Variants in PTPRA observed in about 807,000 individuals in gnomAD.
PTPRA encodes the protein receptor-type tyrosine-protein phosphatase alpha.
In PTPRA, 25 loss-of-function variants were observed where a neutral mutation model predicts 104.8. That is an observed-to-expected ratio of 0.24 (90% CI 0.17 to 0.33). The LOEUF (loss-of-function observed/expected upper bound fraction) is 0.33, where lower values mean the gene tolerates loss of function less well. Among genes scored for constraint, PTPRA ranks in the 10% least tolerant of loss-of-function variants. PTPRA has a pLI of 1.00. For synonymous variants in PTPRA, 323 were observed against 368.9 expected (o/e 0.88, Z 1.43); for missense variants, 765 against 1,015.3 (o/e 0.75, Z 3.35).
intron 3 of PTPRA, among the ~76,000 whole-genome samples, chr20:2,954,951 T>C (rs1238121128): frequency 6.6e-6 from 1 of 152,264 alleles, no homozygotes; most frequent in African/African-American, 2.4e-5. Flanking sequence ...ATGAAAAGGC[T>C]GTCCATTGAA....
chr20:2,868,725 T>G (rs2089393135), upstream of PTPRA, among the ~76,000 whole-genome samples: 1 of 149,942 alleles, frequency 6.7e-6, no homozygotes, highest in South Asian at 2.1e-4. Flanking sequence ...TTCCCAGCTT[T>G]TCGAGTTCTC....
At chr20:2,933,465 T>TG (rs1398963695) in intron 2 of PTPRA, among the ~76,000 whole-genome samples, 7 of 151,236 alleles carry the variant, frequency 4.6e-5, no homozygotes, top group African/African-American at 1.7e-4. Flanking sequence ...GTTGGTTGGT[T>TG]GGGTTTTTTT....
At chr20:3,020,945 C>T (rs974227274) in intron 13 of PTPRA, among the ~76,000 whole-genome samples, 5 of 152,196 alleles carry the variant, frequency 3.3e-5, no homozygotes, top group African/African-American at 1.2e-4. Flanking sequence ...ACTGCTGGTT[C>T]GAGGGGTTCA....
At chr20:2,876,261 T>A (rs1568635330) in intron 1 of PTPRA, among the ~76,000 whole-genome samples, 1 of 151,930 alleles carries the variant, frequency 6.6e-6, no homozygotes, top group Non-Finnish European at 1.5e-5. Flanking sequence ...GAGAGAAAAA[T>A]TCAAAAGTTC....
Position 3,035,055 on chromosome 20 carries a change from A to G in PTPRA, c.1921-530A>G, listed in dbSNP as rs1245386061. ...AGGTGCAAGCAAAGACAGACAGTAGACCACCTCCTGCTCACTAGCAAGGAC... is the reference window on the plus strand; with the variant it reads ...AGGTGCAAGCAAAGACAGACAGTAGGCCACCTCCTGCTCACTAGCAAGGAC... On this transcript the variant is annotated intron_variant, in intron 20 of 23. Transcript: ENST00000399903. This position sits in a 1 kb window ranked among gnomAD's most constrained non-coding sequence, Gnocchi z 5.8. Among the ~76,000 whole-genome samples the G allele has an allele frequency of 2.0e-5, 3 of 152,080 alleles. No individual in the cohort carries two copies. Among genetic ancestry groups the G allele is most frequent in the African/African-American group, 7.2e-5 (3 of 41,406 alleles).
At chr20:2,947,434 T>C (rs1171535325) in intron 2 of PTPRA, among the ~76,000 whole-genome samples, 2 of 152,194 alleles carry the variant, frequency 1.3e-5, no homozygotes, top group African/African-American at 4.8e-5. Context: ...AAGGTTTGCT[T>C]TTTCTAGAGA....
At chr20:2,865,493 C>T in the PTPRA span, 1 of 1,613,442 alleles carries the variant, frequency 6.2e-7, no homozygotes, top group Non-Finnish European at 8.5e-7. The surrounding 1 kb of genome is among the most constrained non-coding windows in gnomAD (Gnocchi z 5.2). Flanking sequence ...CATTGGCTAC[C>T]TGGTGAGGCA....
rs1002150027 is a variant in PTPRA at position 3,007,482 on chromosome 20, C to T, written c.906+62C>T. 31 of 1,489,196 alleles carry T rather than the reference C, an allele frequency of 2.1e-5. No individual in the cohort carries two copies. In the Admixed American group the frequency reaches 3.2e-4, roughly 15 times the overall value. The allele number at this position is 1,489,196 out of a possible 1,614,324, so 92.2% of individuals were successfully genotyped here. ...TGACCATTGCCACTATCTGTTGGCT[C>T]CTCCCCAGCTGTGTGTTAGGAGAAA... is the stretch of plus-strand genomic sequence containing the variant. On this transcript the variant is annotated intron_variant, in intron 11 of 23. Transcript: ENST00000399903.
intron 9 of PTPRA, among the ~76,000 whole-genome samples, chr20:3,002,733 A>C (rs1324655189): frequency 6.6e-6 from 1 of 152,138 alleles, no homozygotes; most frequent in Non-Finnish European, 1.5e-5. Context: ...CATTTTCCAT[A>C]CAATAACAAG....
intron 1 of PTPRA, among the ~76,000 whole-genome samples, chr20:2,911,844 A>G (rs917147135): frequency 2.0e-5 from 3 of 152,198 alleles, no homozygotes; most frequent in Non-Finnish European, 4.4e-5. Context: ...ATGGATATCA[A>G]TCAGTGGAAA....
In PTPRA at chr20:3,032,958, T is replaced by G. The variant is rs567766312; in HGVS notation, c.1921-2627T>G. 1.2e-3 allele frequency among the ~76,000 whole-genome samples: 183 copies of G among 151,328 alleles called. 3 individuals are homozygous for G. Among genetic ancestry groups the G allele is most frequent in the East Asian group, 5.8e-4 (3 of 5,156 alleles). On this transcript the variant is annotated intron_variant, in intron 20 of 23. Coordinates refer to ENST00000399903, the MANE Select transcript of PTPRA (RefSeq NM_001385305.1). ...AGCAGCATTTGAAAGAGTCAGTACC[T>G]CCCTCCTCTTCCTCAGAACACTTAC...
chr20:2,923,013 C>G (rs1012176265), intron 1 of PTPRA, among the ~76,000 whole-genome samples, 194 bp from the exon 2 acceptor site: 1 of 152,092 alleles, frequency 6.6e-6, no homozygotes, highest in Non-Finnish European at 1.5e-5. Flanking sequence ...GGAAACTCCA[C>G]CTTCTGGGCT....
intron 13 of PTPRA, 138 bp downstream of exon 13, chr20:3,018,051 T>C (rs2064555775): frequency 1.4e-6 from 1 of 728,198 alleles, no homozygotes; most frequent in African/African-American, 1.8e-5. Context: ...TCTATCAGAC[T>C]TTGCTATGGC....
intron 3 of PTPRA, among the ~76,000 whole-genome samples, chr20:2,953,703 G>C (rs905669159): frequency 6.0e-5 from 9 of 151,164 alleles, no homozygotes; most frequent in Non-Finnish European, 1.3e-4. Flanking sequence ...CGTCTCCTGG[G>C]TTCAAGCACT....
chr20:2,900,165 CATTA>C (rs1279011683), intron 1 of PTPRA, among the ~76,000 whole-genome samples: 3 of 150,618 alleles, frequency 2.0e-5, no homozygotes, highest in East Asian at 1.9e-4. Flanking sequence ...TTCATTCATT[CATTA>C]ATTCTTTAGA....
At chr20:2,910,589 G>GTTTTTTTTTTTTTTTTT (rs1423909050) in intron 1 of PTPRA, among the ~76,000 whole-genome samples, 5 of 57,986 alleles carry the variant, frequency 8.6e-5, no homozygotes, top group Non-Finnish European at 1.1e-4. Flanking sequence ...TTTTTTTTTT[G>GTTTTTTTTTTTTTTTTT]TTTTTTTTTT....
intron 9 of PTPRA, among the ~76,000 whole-genome samples, chr20:3,001,310 T>C (rs1442693020): frequency 6.6e-6 from 1 of 152,232 alleles, no homozygotes. Flanking sequence ...AAACAATGGC[T>C]CCTGTTTCTT....
intron 2 of PTPRA, among the ~76,000 whole-genome samples, chr20:2,944,430 G>T (rs1185515988): frequency 6.6e-6 from 1 of 152,154 alleles, no homozygotes; most frequent in Non-Finnish European, 1.5e-5. Flanking sequence ...CACATGTCTG[G>T]CAGTTGGTGT....
chr20:2,912,635 A>G (rs2059765007), intron 1 of PTPRA, among the ~76,000 whole-genome samples: 1 of 152,132 alleles, frequency 6.6e-6, no homozygotes, highest in Non-Finnish European at 1.5e-5. Flanking sequence ...AAAACAGACA[A>G]CGACAAAAAA....
Sources: allele counts gnomAD v4.1 joint callset (sites outside exome capture counted in the v4.1 genomes callset), GRCh38; gene constraint gnomAD v4.1.1; non-coding constraint Gnocchi (gnomAD v3.1); transcripts MANE v1.5; gene names NCBI Gene and HGNC (gene_info 2026-07-23, HGNC 2026-07-21).